The following NREP variants were observed in gnomAD, a reference collection of about 807,000 sequenced individuals.
NREP encodes the protein neuronal regeneration-related protein.
NREP carries 5 observed loss-of-function variants against 8.6 expected under a neutral mutation model. That is an observed-to-expected ratio of 0.58 (90% CI 0.30 to 1.22). NREP has a LOEUF of 1.22. Ranked by LOEUF, NREP falls within the 50% of genes most tolerant of loss-of-function variation. The probability of loss-of-function intolerance (pLI) is 0.07; values close to 1 mark genes in which losing one functional copy is unlikely to be tolerated. For missense variants in NREP, 86 were observed against 82.5 expected, an observed-to-expected ratio of 1.04 and a Z score of -0.17; for synonymous variants, 27 against 28.0, an observed-to-expected ratio of 0.96 and a Z score of 0.11.
At chr5:111,757,692 G>A (rs1421928897), upstream of NREP, 2 of 984,212 alleles carry the variant, frequency 2.0e-6, no homozygotes, top group South Asian at 9.4e-5. Flanking sequence ...GGCGCCCCGG[G>A]GAGACAAAGC....
At chr5:111,949,080 C>G (rs915010483) in intron 2 of NREP, 2 of 151,956 alleles carry the variant, frequency 1.3e-5, no homozygotes, top group East Asian at 1.9e-4. Context: ...TTCTGGAAAC[C>G]CTTTCTTTCT....
chr5:111,824,301 G>A (rs1311231948), intron 2 of NREP, among the ~76,000 whole-genome samples: 2 of 152,152 alleles, frequency 1.3e-5, no homozygotes, highest in Non-Finnish European at 2.9e-5. Flanking sequence ...CCAGGGAGGC[G>A]GAGCTTCCAG....
intron 2 of NREP, among the ~76,000 whole-genome samples, chr5:111,907,885 C>T (rs563371512): frequency 6.6e-6 from 1 of 152,092 alleles, no homozygotes; most frequent in African/African-American, 2.4e-5. Context: ...GGAATTATTA[C>T]TATTTTTTTT....
In NREP at chr5:111,907,928, TG is replaced by T. The variant is rs1272829985; in HGVS notation, c.135+67345del. Among the ~76,000 whole-genome samples, 4 of 152,194 alleles carry T rather than the reference TG, an allele frequency of 2.6e-5. No homozygotes were observed. In the East Asian group the frequency reaches 7.7e-4, roughly 29 times the overall value. ...TGTTACCAAGATCAGTGCTGGCACTTGGGCATTTAAACATTGGTTGAGAAAA... is the reference window on the plus strand; with the variant it reads ...TGTTACCAAGATCAGTGCTGGCACTTGGCATTTAAACATTGGTTGAGAAAA... On this transcript the variant is annotated intron_variant, in intron 2 of 3. Transcript: ENST00000395634.
At chr5:111,871,245 C>A (rs1192633715) in intron 2 of NREP, among the ~76,000 whole-genome samples, 3 of 152,128 alleles carry the variant, frequency 2.0e-5, no homozygotes, top group Admixed American at 2.0e-4. Context: ...GGCTACAAAC[C>A]TGTACAACGT....
In NREP at chr5:111,968,203, T is replaced by A. The variant is rs542833420; in HGVS notation, c.135+7071A>T. The stretch of plus-strand genomic sequence containing the variant: ...AAGTAAATTAGGGAGATATCATTCA[T>A]GCCTTTTTAAAAATCTTAAAAAAAA... On this transcript the variant is annotated intron_variant, in intron 2 of 3. Transcript: ENST00000395634. 3.3e-5 allele frequency among the ~76,000 whole-genome samples: 5 copies of A among 152,160 alleles called. No individual in the cohort carries two copies. In the East Asian group the frequency reaches 9.7e-4, roughly 29 times the overall value.
intron 2 of NREP, among the ~76,000 whole-genome samples, chr5:111,818,473 C>CT (rs377119458): frequency 4.6e-5 from 7 of 151,954 alleles, no homozygotes; most frequent in Non-Finnish European, 1.0e-4. Flanking sequence ...AATATAAAGC[C>CT]TTTTTTTGTT....
At chr5:111,976,727 A>G in exon 1 of NREP, 6 of 1,550,902 alleles carry the variant, frequency 3.9e-6, no homozygotes, top group Non-Finnish European at 5.2e-6. Context: ...GAATAATTCC[A>G]AACTCCTTTC....
At chr5:111,761,962 G>A (rs1750969573), upstream of NREP, among the ~76,000 whole-genome samples, 3 of 152,110 alleles carry the variant, frequency 2.0e-5, no homozygotes, top group Admixed American at 6.5e-5. Context: ...TTCCAGGGAA[G>A]GTTATTCTGA....
intron 2 of NREP, among the ~76,000 whole-genome samples, chr5:111,781,880 G>C (rs1048719959): frequency 6.6e-6 from 1 of 152,062 alleles, no homozygotes; most frequent in African/African-American, 2.4e-5. Flanking sequence ...AAACTTCAAG[G>C]ATAGCCAATG....
At chr5:111,848,036 C>G (rs1753223505) in intron 2 of NREP, among the ~76,000 whole-genome samples, 1 of 152,140 alleles carries the variant, frequency 6.6e-6, no homozygotes, top group Non-Finnish European at 1.5e-5. Context: ...CAGTAAAACT[C>G]AACTGGTGGG....
intron 2 of NREP, among the ~76,000 whole-genome samples, chr5:111,807,755 G>A (rs1752173724): frequency 6.6e-6 from 1 of 152,142 alleles, no homozygotes; most frequent in Non-Finnish European, 1.5e-5. Context: ...CACAGAAAAT[G>A]TCTCAGCAGT....
intron 2 of NREP, among the ~76,000 whole-genome samples, chr5:111,771,685 C>T (rs1370513352): frequency 6.6e-6 from 1 of 151,658 alleles, no homozygotes; most frequent in Non-Finnish European, 1.5e-5. Flanking sequence ...ATAGCTTGAA[C>T]CCGGGAGGTG....
At chr5:111,854,670 CTG>C (rs1439789497) in intron 2 of NREP, among the ~76,000 whole-genome samples, 1 of 152,170 alleles carries the variant, frequency 6.6e-6, no homozygotes, top group East Asian at 1.9e-4. Context: ...ATGTATATGT[CTG>C]TTTCTCAATT....
At chr5:111,746,863 C>T (rs1031085701) in intron 2 of NREP, among the ~76,000 whole-genome samples, 1 of 152,114 alleles carries the variant, frequency 6.6e-6, no homozygotes, top group Admixed American at 6.6e-5. Context: ...TCCGATATTG[C>T]ATGCTTTTAA....
Position 111,975,273 on chromosome 5 carries a change from CACAAT to C in NREP, c.131_135del (p.Asn44SerfsTer26), listed in dbSNP as rs1318182485. 2.1e-5 allele frequency: 32 copies of C among 1,548,758 alleles called. No individual in the cohort carries two copies. Among genetic ancestry groups the C allele is most frequent in the Non-Finnish European group, 2.7e-5 (31 of 1,144,440 alleles). On this transcript the variant is annotated frameshift_variant and splice_region_variant, in exon 2 of 4. Coordinates refer to the NREP transcript ENST00000395634. LOFTEE classifies it high-confidence loss of function. ...CAAATCAGGATAGCAGTTTGTCTTA[CACAAT>C]TCAGAACAGAAATCTGGCAGTGAAC...
intron 2 of NREP, among the ~76,000 whole-genome samples, chr5:111,933,333 G>C (rs1358912814): frequency 6.6e-6 from 1 of 152,040 alleles, no homozygotes; most frequent in East Asian, 1.9e-4. Context: ...ATCCTTAGTA[G>C]GAAGGAGACA....
intron 2 of NREP, among the ~76,000 whole-genome samples, chr5:111,892,831 T>A (rs1392311672): frequency 2.6e-5 from 4 of 152,112 alleles, no homozygotes; most frequent in Non-Finnish European, 5.9e-5. Context: ...CCATAAACCC[T>A]ACGAAAATTT....
intron 2 of NREP, among the ~76,000 whole-genome samples, chr5:111,866,617 C>A (rs974430371): frequency 1.2e-4 from 18 of 152,046 alleles, no homozygotes; most frequent in Non-Finnish European, 2.1e-4. Context: ...ACTAGAAATA[C>A]CGTTTGACCC....
Sources: allele counts gnomAD v4.1 joint callset (sites outside exome capture counted in the v4.1 genomes callset), GRCh38; gene constraint gnomAD v4.1.1; transcripts MANE v1.5; gene names NCBI Gene and HGNC (gene_info 2026-07-23, HGNC 2026-07-21).